ARFGEF2: variants seen among roughly 807,000 people sequenced by gnomAD.
The protein encoded by ARFGEF2 is ARF guanine nucleotide exchange factor 2.
Under a neutral mutation model 219.9 loss-of-function variants are expected in ARFGEF2, and 74 were observed. The ratio of observed to expected loss-of-function variants is 0.34; its 90% CI spans 0.28 to 0.41. The LOEUF is 0.41. Among genes scored for constraint, ARFGEF2 ranks in the 10% least tolerant of loss-of-function variants. ARFGEF2 has a pLI of 1.00. For synonymous variants in ARFGEF2, 733 were observed against 799.2 expected, an observed-to-expected ratio of 0.92 and a Z score of 1.40; for missense variants, 1,743 against 2,218.3, an observed-to-expected ratio of 0.79 and a Z score of 4.30.
chr20:48,927,581 G>A (rs1487104267), intron 1 of ARFGEF2, among the ~76,000 whole-genome samples: 2 of 152,082 alleles, frequency 1.3e-5, no homozygotes, highest in African/African-American at 4.8e-5. Context: ...CCAGCTACTT[G>A]GGAGGCTGAG....
rs561662781 is a variant in ARFGEF2, at chr20:48,986,476, A to G, written c.2276+863A>G. On this transcript the variant is annotated intron_variant, in intron 16 of 38. Transcript: ENST00000371917. ...AAATCCCGTCTCTTCCAAAAATACA[A>G]AAAAAAATTAGCTGGGTAATCCCAG... 6.6e-5 allele frequency among the ~76,000 whole-genome samples: 10 copies of G among 151,924 alleles called. No homozygotes were observed. The South Asian group carries it at 1.7e-3, about 25-fold the overall frequency.
At chr20:48,999,072 T>G (rs2091408871) in intron 25 of ARFGEF2, among the ~76,000 whole-genome samples, 1 of 151,922 alleles carries the variant, frequency 6.6e-6, no homozygotes. Context: ...CCCGTCACCA[T>G]TAAAAATGCA....
At chr20:49,022,080 G>A (rs1466461911) in intron 34 of ARFGEF2, among the ~76,000 whole-genome samples, 9 of 149,124 alleles carry the variant, frequency 6.0e-5, no homozygotes, top group African/African-American at 2.0e-4. Flanking sequence ...ACTTGAACCC[G>A]GGAGGCAGAG....
intron 35 of ARFGEF2, among the ~76,000 whole-genome samples, chr20:49,024,956 A>G (rs1046531124): frequency 6.6e-6 from 1 of 152,196 alleles, no homozygotes; most frequent in South Asian, 2.1e-4. Flanking sequence ...AGATTGCGCC[A>G]CTGCACTCCA....
chr20:49,015,025 C>T (rs1190766586), intron 30 of ARFGEF2, among the ~76,000 whole-genome samples: 1 of 152,170 alleles, frequency 6.6e-6, no homozygotes, highest in African/African-American at 2.4e-5. Context: ...TTCCAACACA[C>T]GTATATAAAC....
intron 14 of ARFGEF2, among the ~76,000 whole-genome samples, chr20:48,976,423 T>C (rs921330630): frequency 1.4e-4 from 22 of 152,162 alleles, no homozygotes; most frequent in African/African-American, 5.3e-4. Context: ...TGATGCAGCC[T>C]TTTTTCCCCC....
At chr20:48,922,905 A>G (rs1253188666) in intron 1 of ARFGEF2, among the ~76,000 whole-genome samples, 1 of 152,154 alleles carries the variant, frequency 6.6e-6, no homozygotes, top group Non-Finnish European at 1.5e-5. Flanking sequence ...CGAATAGAGG[A>G]GACAAAATAA....
intron 1 of ARFGEF2, among the ~76,000 whole-genome samples, chr20:48,922,848 G>T (rs149410797): frequency 6.6e-6 from 1 of 152,224 alleles, no homozygotes; most frequent in African/African-American, 2.4e-5. Flanking sequence ...TGAGAATTCA[G>T]TGGGGAACAA....
intron 34 of ARFGEF2, among the ~76,000 whole-genome samples, 195 bp from the exon 35 acceptor site, chr20:49,022,856 T>C (rs367724230): frequency 6.6e-6 from 1 of 152,218 alleles, no homozygotes; most frequent in East Asian, 1.9e-4. Flanking sequence ...TGGCTCATGC[T>C]GTAATCCCAG....
chr20:48,979,063 G>A (rs1393618343), intron 14 of ARFGEF2, among the ~76,000 whole-genome samples: 1 of 152,146 alleles, frequency 6.6e-6, no homozygotes, highest in Non-Finnish European at 1.5e-5. Flanking sequence ...GTTTTCAAAG[G>A]AAATGCTTCC....
At chr20:48,928,247 G>A (rs1188218546) in intron 1 of ARFGEF2, among the ~76,000 whole-genome samples, 1 of 134,054 alleles carries the variant, frequency 7.5e-6, no homozygotes, top group African/African-American at 2.8e-5. Context: ...CGCCCAGGCT[G>A]GAGTGCAGTG....
chr20:48,971,368 A>G lies in ARFGEF2; in HGVS notation c.1425+14A>G, dbSNP rs764521152. On this transcript the variant is annotated intron_variant, in intron 10 of 38. Transcript: ENST00000371917. ...ATGCAGATAGAGGTACGGATTCCAA[A>G]GTTTTTTCATTTCATTATTTACTAT... 40 of 1,586,854 alleles carry G rather than the reference A, an allele frequency of 2.5e-5. No individual in the cohort carries two copies. The highest frequency in any genetic ancestry group is 3.3e-4 in the Middle Eastern group (2 of 6,038).
At chr20:48,941,384 G>A (rs1435039052) in intron 2 of ARFGEF2, among the ~76,000 whole-genome samples, 155 bp downstream of exon 2, 1 of 152,168 alleles carries the variant, frequency 6.6e-6, no homozygotes, top group Non-Finnish European at 1.5e-5. Flanking sequence ...GCACAACTCT[G>A]TGTATGTTTG....
intron 31 of ARFGEF2, among the ~76,000 whole-genome samples, chr20:49,016,934 A>G (rs1692469666): frequency 6.6e-6 from 1 of 152,226 alleles, no homozygotes. Flanking sequence ...AATGTAATGT[A>G]TGAGTGACTA....
intron 36 of ARFGEF2, among the ~76,000 whole-genome samples, chr20:49,026,338 A>T (rs1233166428): frequency 6.6e-6 from 1 of 152,172 alleles, no homozygotes; most frequent in African/African-American, 2.4e-5. Context: ...TCAAGAAAAA[A>T]AAAAGAAATT....
chr20:49,032,992 C>T (rs1361449367), intron 38 of ARFGEF2, 31 bp from the exon 39 acceptor site: 7 of 1,600,512 alleles, frequency 4.4e-6, no homozygotes, highest in Non-Finnish European at 6.0e-6. Context: ...AAAAAATTGT[C>T]TAATTTTATC....
At chr20:49,007,836 T>C (rs2091472435) in intron 26 of ARFGEF2, among the ~76,000 whole-genome samples, 1 of 152,068 alleles carries the variant, frequency 6.6e-6, no homozygotes, top group Admixed American at 6.6e-5. Flanking sequence ...AGGAACACCA[T>C]TGAGAGTGCC....
At chr20:49,031,219 A>ATT (rs2091632039) in intron 37 of ARFGEF2, among the ~76,000 whole-genome samples, 1 of 81,460 alleles carries the variant, frequency 1.2e-5, no homozygotes, top group African/African-American at 5.2e-5. Flanking sequence ...TTGAGTTTGG[A>ATT]CTTTTTTTTT....
Position 49,023,176 on chromosome 20 carries a change from G to A in ARFGEF2, c.4750G>A (p.Ala1584Thr), listed in dbSNP as rs201449025. The A allele has an allele frequency of 9.3e-6, 15 of 1,613,948 alleles. No individual in the cohort carries two copies. The highest frequency in any genetic ancestry group is 2.2e-5 in the South Asian group (2 of 91,076). Residue 1584 changes from alanine (A) to threonine (T), a missense_variant, in exon 35 of 39, where the codon GCC becomes ACC. Physicochemically the swap from Ala to Thr is moderately conservative, Grantham distance 58. Around this residue, in one of 5 missense-constraint regions of ARFGEF2, gnomAD observed 578 missense variants for 664.0 expected, o/e 0.87. Transcript: ENST00000371917. ...KKEDAEHMVA[A>T]QQDTLDADIH... ...GGAGGATGCAGAGCACATGGTTGCC[G>A]CCCAGGTAAGAACAGGAGGCCTCAG...
Sources: gnomAD v4.1 joint callset for allele counts (sites outside exome capture counted in the v4.1 genomes callset) on GRCh38, gnomAD v4.1.1 for gene constraint, gnomAD v4.1.1 regional missense constraint, MANE v1.5 for transcripts, NCBI Gene and HGNC (gene_info 2026-07-23, HGNC 2026-07-21) for gene names.